The following ALMS1 variants were observed in gnomAD, a reference collection of about 807,000 sequenced individuals.
ALMS1 encodes the protein ALMS1 centrosome and basal body associated protein, also known as centrosome-associated protein ALMS1.
A neutral mutation model predicts 352.2 loss-of-function variants in ALMS1; 271 were observed. The ratio of observed to expected loss-of-function variants is 0.77; its 90% CI spans 0.70 to 0.85. The LOEUF is 0.85. Among genes scored for constraint, ALMS1 ranks in the 40% least tolerant of loss-of-function variants. The pLI, the probability that ALMS1 is intolerant of heterozygous loss-of-function variation, is 0.00. For missense variants in ALMS1, 5,445 were observed against 4,870.7 expected, an observed-to-expected ratio of 1.12 and a Z score of -3.51; for synonymous variants, 1,865 against 1,761.2, an observed-to-expected ratio of 1.06 and a Z score of -1.48.
At chr2:73,489,355 G>T (rs1445801606) in intron 9 of ALMS1, among the ~76,000 whole-genome samples, 1 of 152,172 alleles carries the variant, frequency 6.6e-6, no homozygotes, top group South Asian at 2.1e-4. Flanking sequence ...AGAAAGGTGA[G>T]AATACTTACT....
intron 11 of ALMS1, among the ~76,000 whole-genome samples, chr2:73,521,463 G>A (rs948568787): frequency 3.3e-5 from 5 of 151,864 alleles, no homozygotes; most frequent in Admixed American, 6.6e-5. Flanking sequence ...AAAGCAGTGC[G>A]CGGTGGCTCA....
At chr2:73,509,237 A>G (rs2103939301) in intron 10 of ALMS1, among the ~76,000 whole-genome samples, 1 of 152,214 alleles carries the variant, frequency 6.6e-6, no homozygotes, top group South Asian at 2.1e-4. Context: ...TGGGGCATTT[A>G]GCTCATTTAC....
intron 7 of ALMS1, among the ~76,000 whole-genome samples, chr2:73,445,228 C>T (rs74521704): frequency 0.034 from 5,166 of 152,146 alleles, 301 homozygotes; most frequent in African/African-American, 0.12. Context: ...CTCAAGCATT[C>T]ATTATTTCTT....
chr2:73,494,247 T>C (rs1239330242), intron 10 of ALMS1, among the ~76,000 whole-genome samples: 1 of 152,160 alleles, frequency 6.6e-6, no homozygotes, highest in Admixed American at 6.5e-5. Flanking sequence ...TCAGTAGAAA[T>C]GAGTCACTGT....
intron 6 of ALMS1, among the ~76,000 whole-genome samples, chr2:73,428,081 A>C (rs963942016): frequency 6.6e-6 from 1 of 152,198 alleles, no homozygotes; most frequent in African/African-American, 2.4e-5. Flanking sequence ...TATTTTCTTC[A>C]GTATTCCAAA....
chr2:73,592,508 C>T (rs1573046558), intron 16 of ALMS1, among the ~76,000 whole-genome samples: 1 of 152,258 alleles, frequency 6.6e-6, no homozygotes, highest in East Asian at 1.9e-4. Context: ...TTGACTCTGA[C>T]TGTTTTATCA....
intron 3 of ALMS1, among the ~76,000 whole-genome samples, chr2:73,421,881 G>A (rs1476373421): frequency 6.6e-5 from 10 of 152,088 alleles, no homozygotes; most frequent in Non-Finnish European, 1.0e-4. Flanking sequence ...AGTGTTGCAG[G>A]CATTCTGAAA....
At chr2:73,476,576 T>TG (rs1407570130) in intron 9 of ALMS1, among the ~76,000 whole-genome samples, 2 of 152,022 alleles carry the variant, frequency 1.3e-5, no homozygotes, top group African/African-American at 4.8e-5. Context: ...TTCTGTTTTT[T>TG]TTTGTTTTTT....
Position 73,450,218 on chromosome 2 carries a change from A to G in ALMS1, c.3691A>G (p.Thr1231Ala). ...TGGACCAGCTGACCAGAAGACTGGG[A>G]CACCAACTCCAACCTCTGCTTCTTA... ...VLGPADQKTG[T>A]PTPTSASYSH... Residue 1231 changes from threonine to alanine, a missense_variant, in exon 8 of 23, where the codon ACA becomes GCA. Coordinates refer to ENST00000613296, the MANE Select transcript of ALMS1 (RefSeq NM_001378454.1). 1 of 1,614,084 alleles carries G rather than the reference A, an allele frequency of 6.2e-7. No homozygotes were observed. Among genetic ancestry groups the G allele is most frequent in the East Asian group, 2.2e-5 (1 of 44,868 alleles).
At position 73,490,263 on chromosome 2, in the gene ALMS1, C is replaced by A. The variant is rs2103891364; in HGVS notation, c.8304C>A (p.Thr2768=). Residue 2768 remains threonine, a synonymous_variant, in exon 10 of 23, where the codon ACC becomes ACA. Transcript: ENST00000613296. ...QNPPRDLKQK[T]SSPSSFKMHS... Reference sequence around the variant, plus strand: ...CTCCCAGAGATCTTAAACAGAAAACCTCTTCCCCTTCATCATTTAAAATGC... The same window carrying A: ...CTCCCAGAGATCTTAAACAGAAAACATCTTCCCCTTCATCATTTAAAATGC... 6.2e-7 allele frequency: 1 copy of A among 1,613,994 alleles called. No homozygotes were observed. Among genetic ancestry groups the A allele is most frequent in the Non-Finnish European group, 8.5e-7 (1 of 1,179,996 alleles).
chr2:73,519,929 C>T lies in ALMS1; in HGVS notation c.9694C>T (p.Pro3232Ser), dbSNP rs1160031102. 6.2e-7 allele frequency: 1 copy of T among 1,613,926 alleles called. No individual in the cohort carries two copies. The highest frequency in any genetic ancestry group is 1.3e-5 in the African/African-American group (1 of 74,886). ...AEDRGHEIIEPGNQKLRKAPV... is the reference protein window; with the variant it reads ...AEDRGHEIIESGNQKLRKAPV... The stretch of plus-strand genomic sequence containing the variant: ...AGATCGTGGACATGAAATTATAGAG[C>T]CTGGTAACCAGAAGCTACGCAAAGC... Residue 3232 changes from proline to serine, a missense_variant, in exon 11 of 23, where the codon CCT becomes TCT. Physicochemically the swap from Pro to Ser is moderately conservative, Grantham distance 74. Coordinates refer to ENST00000613296, the MANE Select transcript of ALMS1 (RefSeq NM_001378454.1).
intron 7 of ALMS1, among the ~76,000 whole-genome samples, chr2:73,446,784 G>C (rs1219663476): frequency 6.6e-6 from 1 of 152,010 alleles, no homozygotes. Context: ...CAATAACATT[G>C]GGCATCCCTG....
intron 9 of ALMS1, among the ~76,000 whole-genome samples, chr2:73,485,068 C>G (rs1332438927): frequency 1.3e-5 from 2 of 152,198 alleles, no homozygotes; most frequent in Admixed American, 6.5e-5. Context: ...GCCTTCTTCT[C>G]TCAGCTCGTC....
rs373128948 is a variant in ALMS1, at chr2:73,519,643, G to A, written c.9540-132G>A. 1.3e-5 allele frequency: 15 copies of A among 1,160,084 alleles called. No individual in the cohort carries two copies. In the East Asian group the frequency reaches 1.7e-4, roughly 13 times the overall value. 71.9% of individuals were successfully genotyped at this position (1,160,084 alleles called of 1,614,324 possible). ...ACTGCTGAAATTTTACCTTAATAAC[G>A]TTTGACATTGATGTGTCCACAATAT... On this transcript the variant is annotated intron_variant, in intron 10 of 22. Transcript: ENST00000613296.
intron 1 of ALMS1, among the ~76,000 whole-genome samples, chr2:73,404,691 GATT>G (rs1264474247): frequency 6.6e-6 from 1 of 151,716 alleles, no homozygotes; most frequent in Non-Finnish European, 1.5e-5. Context: ...TTTTGTTGAG[GATT>G]TTTACATCAA....
chr2:73,469,838 A>G (rs1391707185), intron 9 of ALMS1: 2 of 151,856 alleles, frequency 1.3e-5, no homozygotes, highest in East Asian at 1.9e-4. Context: ...TTAACATTCT[A>G]TCAACTTTTT....
intron 11 of ALMS1, among the ~76,000 whole-genome samples, chr2:73,527,208 AG>A (rs1673808775): frequency 1.3e-5 from 2 of 150,388 alleles, no homozygotes; most frequent in African/African-American, 4.9e-5. Flanking sequence ...AATATTCATG[AG>A]GGAGATTGGC....
chr2:73,463,899 G>A (rs1048513034), intron 9 of ALMS1, among the ~76,000 whole-genome samples: 1 of 152,036 alleles, frequency 6.6e-6, no homozygotes, highest in Non-Finnish European at 1.5e-5. Context: ...AAACCAGGAA[G>A]AAGTTGACTC....
Position 73,572,309 on chromosome 2 carries a change from A to C in ALMS1, c.10432A>C (p.Arg3478=). 1 of 1,606,652 alleles carries C rather than the reference A, an allele frequency of 6.2e-7. No homozygotes were observed. Among genetic ancestry groups the C allele is most frequent in the Non-Finnish European group, 8.5e-7 (1 of 1,177,340 alleles). ...TGAAAATACTACCCGTTCTGTCTTC[A>C]GGTCAGCAAAGTTTTACATTCATCA... The part of the protein sequence containing the change: ...EFENTTRSVF[R]SAKFYIHHPV... The change falls in exon 16 of 23, where the codon AGG becomes CGG. Residue 3478 remains arginine, a synonymous_variant. Coordinates refer to ENST00000613296, the MANE Select transcript of ALMS1 (RefSeq NM_001378454.1).
Sources: gnomAD v4.1 joint callset for allele counts (sites outside exome capture counted in the v4.1 genomes callset) on GRCh38, gnomAD v4.1.1 for gene constraint, MANE v1.5 for transcripts, NCBI Gene and HGNC (gene_info 2026-07-23, HGNC 2026-07-21) for gene names.